Variants in SGCD observed in about 807,000 individuals in gnomAD.
The protein encoded by SGCD is sarcoglycan delta.
A neutral mutation model predicts 36.6 loss-of-function variants in SGCD; 18 were observed. The observed-to-expected ratio is 0.49, with a 90% CI of 0.34 to 0.73. The LOEUF is 0.73. SGCD is among the 30% of genes least tolerant of loss of function. The pLI is 0.01. For missense variants in SGCD, 387 were observed against 346.7 expected (o/e 1.12, Z -0.92); for synonymous variants, 133 against 130.6 (o/e 1.02, Z -0.12).
chr5:156,298,724 C>T (rs753100497), intron 3 of SGCD, among the ~76,000 whole-genome samples: 2 of 151,862 alleles, frequency 1.3e-5, no homozygotes, highest in East Asian at 1.9e-4. Flanking sequence ...AGCTACCACA[C>T]GTGGCCCATT....
At chr5:156,099,754 A>G (rs1432701444) in intron 1 of SGCD, among the ~76,000 whole-genome samples, 1 of 152,078 alleles carries the variant, frequency 6.6e-6, no homozygotes, top group Non-Finnish European at 1.5e-5. Flanking sequence ...GTCTAGACTC[A>G]TAGTAGATTC....
chr5:156,165,576 A>G (rs1763194385), intron 3 of SGCD, among the ~76,000 whole-genome samples: 1 of 152,182 alleles, frequency 6.6e-6, no homozygotes, highest in Non-Finnish European at 1.5e-5. Flanking sequence ...CTGCTTAGAA[A>G]TCTGTTGATT....
chr5:156,059,284 A>T (rs1232280640), intron 1 of SGCD, among the ~76,000 whole-genome samples: 2 of 145,592 alleles, frequency 1.4e-5, no homozygotes, highest in Admixed American at 1.4e-4. Context: ...GACAGTAACC[A>T]GGAAAGGGAA....
At chr5:155,988,390 A>G (rs895522767) in intron 1 of SGCD, among the ~76,000 whole-genome samples, 2 of 152,080 alleles carry the variant, frequency 1.3e-5, no homozygotes, top group Non-Finnish European at 2.9e-5. Context: ...GGCCAGAATG[A>G]TGTCTTAGGG....
intron 3 of SGCD, among the ~76,000 whole-genome samples, chr5:156,382,814 A>G (rs1178574331): frequency 6.6e-6 from 1 of 152,206 alleles, no homozygotes; most frequent in East Asian, 1.9e-4. Flanking sequence ...TTCAAAGCTT[A>G]TAGTACAATT....
intron 3 of SGCD, among the ~76,000 whole-genome samples, chr5:156,272,964 A>C (rs1468721377): frequency 6.6e-6 from 1 of 152,234 alleles, no homozygotes; most frequent in Non-Finnish European, 1.5e-5. Context: ...CGCCTTTACT[A>C]TCTGGCCTGT....
intron 4 of SGCD, among the ~76,000 whole-genome samples, chr5:156,545,351 A>G (rs1025303061): frequency 5.9e-5 from 9 of 152,130 alleles, no homozygotes; most frequent in African/African-American, 1.9e-4. Flanking sequence ...CACTGTTTCC[A>G]TGGTTGTGAA....
At chr5:156,649,069 TCAAA>T (rs1763349215) in intron 7 of SGCD, among the ~76,000 whole-genome samples, 1 of 152,158 alleles carries the variant, frequency 6.6e-6, no homozygotes, top group African/African-American at 2.4e-5. Flanking sequence ...CAGATAATTC[TCAAA>T]AGAAGACATT....
chr5:156,163,823 A>G (rs1468427850), intron 3 of SGCD, among the ~76,000 whole-genome samples: 1 of 151,276 alleles, frequency 6.6e-6, no homozygotes, highest in African/African-American at 2.5e-5. Flanking sequence ...GATCGAGACC[A>G]TCCTGGCTAA....
chr5:156,163,403 G>A (rs916024459), intron 3 of SGCD, among the ~76,000 whole-genome samples: 3 of 151,468 alleles, frequency 2.0e-5, no homozygotes, highest in Admixed American at 1.3e-4. Context: ...TGACTCTGAT[G>A]TACTTTGTCT....
At chr5:155,873,997 C>T (rs986623569) in intron 1 of SGCD, among the ~76,000 whole-genome samples, 9 of 152,088 alleles carry the variant, frequency 5.9e-5, no homozygotes, top group Admixed American at 5.2e-4. Flanking sequence ...TTCACTATCC[C>T]ATAGACTTCT....
intron 3 of SGCD, among the ~76,000 whole-genome samples, chr5:156,256,868 T>C (rs1372966036): frequency 6.6e-6 from 1 of 152,122 alleles, no homozygotes; most frequent in Non-Finnish European, 1.5e-5. Flanking sequence ...ATTGCAATGA[T>C]ATAAAAATAA....
intron 3 of SGCD, among the ~76,000 whole-genome samples, chr5:156,400,175 A>G (rs996569247): frequency 6.6e-6 from 1 of 152,002 alleles, no homozygotes; most frequent in African/African-American, 2.4e-5. Flanking sequence ...ACATTACTGG[A>G]CTCTGTCCCC....
At chr5:156,536,589 GTGTTTGTTTGTT>G (rs111527710) in intron 4 of SGCD, among the ~76,000 whole-genome samples, 1 of 151,422 alleles carries the variant, frequency 6.6e-6, no homozygotes, top group African/African-American at 2.4e-5. Flanking sequence ...AAGCTTTGAG[GTGTTTGTTTGTT>G]TGTTTGTTTG....
At chr5:156,406,466 A>G (rs1472522638) in intron 3 of SGCD, among the ~76,000 whole-genome samples, 2 of 151,694 alleles carry the variant, frequency 1.3e-5, no homozygotes, top group African/African-American at 4.8e-5. Context: ...GGTGCATCCA[A>G]TTCCCTCTTT....
intron 1 of SGCD, among the ~76,000 whole-genome samples, chr5:156,038,273 G>A (rs1759547724): frequency 1.3e-5 from 2 of 152,044 alleles, no homozygotes; most frequent in Non-Finnish European, 1.5e-5. Flanking sequence ...CTTTTCAAAA[G>A]TATCAAGGTC....
rs745397161 is a variant in SGCD at position 156,344,544 on chromosome 5, C to A, written c.59C>A (p.Pro20Gln). Residue 20 changes from proline to glutamine, a missense_variant, in exon 3 of 9, where the codon CCA becomes CAA. Pro to Gln is a moderately conservative substitution (Grantham distance 76). Coordinates refer to ENST00000337851, the MANE Select transcript of SGCD (RefSeq NM_000337.6). ...HRSTMPGSVG[P>Q]QVYKVGIYGW... ...AGCACCATGCCTGGCTCTGTGGGGCCACAGGTATACAAGGTGGGGATTTAT... is the reference window on the plus strand; with the variant it reads ...AGCACCATGCCTGGCTCTGTGGGGCAACAGGTATACAAGGTGGGGATTTAT... 6.2e-7 allele frequency: 1 copy of A among 1,611,104 alleles called. No individual in the cohort carries two copies.
the SGCD span, among the ~76,000 whole-genome samples, chr5:155,825,148 C>A: frequency 6.6e-6 from 1 of 152,040 alleles, no homozygotes; most frequent in Non-Finnish European, 1.5e-5. Context: ...TCCATGATTG[C>A]GTTTGCCAGC....
At chr5:155,753,548 T>A in the SGCD span, among the ~76,000 whole-genome samples, 1 of 150,898 alleles carries the variant, frequency 6.6e-6, no homozygotes, top group Non-Finnish European at 1.5e-5. Context: ...TGCAAACACA[T>A]TTTTTTTTCT....
Sources: allele counts gnomAD v4.1 joint callset (sites outside exome capture counted in the v4.1 genomes callset), GRCh38; gene constraint gnomAD v4.1.1; transcripts MANE v1.5; gene names NCBI Gene and HGNC (gene_info 2026-07-23, HGNC 2026-07-21).